FBXO46: variants seen among roughly 807,000 people sequenced by gnomAD.
FBXO46 encodes F-box only protein 46.
In FBXO46, 13 loss-of-function variants were observed where a neutral mutation model predicts 30.7. The ratio of observed to expected loss-of-function variants is 0.42; its 90% CI spans 0.28 to 0.67. The LOEUF is 0.67. Among genes scored for constraint, FBXO46 ranks in the 30% least tolerant of loss-of-function variants. The probability of loss-of-function intolerance (pLI) is 0.21; values close to 1 mark genes in which losing one functional copy is unlikely to be tolerated. For missense variants in FBXO46, 754 were observed against 871.5 expected (o/e 0.87, Z 1.70); for synonymous variants, 467 against 385.8 (o/e 1.21, Z -2.47).
rs763016254 is a variant in FBXO46 at position 45,712,991 on chromosome 19, G to A, written c.505C>T (p.Leu169=). Residue 169 remains leucine (L), a synonymous_variant, in exon 2 of 2, where the codon CTG becomes TTG. Coordinates refer to ENST00000317683, the MANE Select transcript of FBXO46 (RefSeq NM_001080469.2). This position sits in a 1 kb window ranked among gnomAD's most constrained non-coding sequence, Gnocchi z 8.8. ...GPASAGEDVD[L]LSVAEMVALV... ...GCCACCATCTCGGCCACAGAGAGCA[G>A]GTCCACGTCCTCACCGGCTGAGGCG... is the stretch of plus-strand genomic sequence containing the variant. The A allele has an allele frequency of 1.3e-6, 2 of 1,572,264 alleles. No individual in the cohort carries two copies. The highest frequency in any genetic ancestry group is 2.3e-5 in the East Asian group (1 of 43,314).
intron 1 of FBXO46, among the ~76,000 whole-genome samples, chr19:45,719,465 A>G (rs1322792377): frequency 6.6e-6 from 1 of 152,136 alleles, no homozygotes; most frequent in African/African-American, 2.4e-5. Flanking sequence ...GACCATCTCT[A>G]CACATGACAG....
In FBXO46 at chr19:45,712,245, G is replaced by A. The variant is rs1470014886; in HGVS notation, c.1251C>T (p.Asp417=). The change falls in exon 2 of 2, where the codon GAC becomes GAT. Residue 417 remains aspartate (D), a synonymous_variant. Coordinates refer to ENST00000317683, the MANE Select transcript of FBXO46 (RefSeq NM_001080469.2). This position sits in a 1 kb window ranked among gnomAD's most constrained non-coding sequence, Gnocchi z 8.8. ...CGGCCGGGGGTGGCTCCGGGGGCCC[G>A]TCCGGCCCGCGGTTCTGGAGAAAGA... is the stretch of plus-strand genomic sequence containing the variant. The part of the protein sequence containing the change: ...QLFFLQNRGP[D]GPPEPPPADS... 3.7e-6 allele frequency: 6 copies of A among 1,604,578 alleles called. No individual in the cohort carries two copies. In the Admixed American group the frequency reaches 5.0e-5, roughly 13 times the overall value.
chr19:45,717,451 G>C (rs1402174663), intron 1 of FBXO46: 2 of 152,300 alleles, frequency 1.3e-5, no homozygotes, highest in Non-Finnish European at 1.5e-5. Context: ...CCGCCATTCG[G>C]GGCCGTGCCC....
At position 45,713,022 on chromosome 19, in the gene FBXO46, C is replaced by G. The variant is rs771350349; in HGVS notation, c.474G>C (p.Glu158Asp). 7.7e-6 allele frequency: 12 copies of G among 1,557,626 alleles called. No individual in the cohort carries two copies. In the East Asian group the frequency reaches 2.5e-4, roughly 33 times the overall value. ...GGREGPPAAE[E>D]GPASAGEDVD... ...CGTCCTCACCGGCTGAGGCGGGGCC[C>G]TCCTCAGCAGCAGGGGGGCCCTCCC... The change falls in exon 2 of 2, where the codon GAG becomes GAC. Residue 158 changes from glutamate to aspartate, a missense_variant. Glu to Asp is a conservative substitution (Grantham distance 45). This residue lies in a region of FBXO46 where 454 missense variants were observed against 426.5 expected (regional missense o/e 1.06). Coordinates refer to ENST00000317683, the MANE Select transcript of FBXO46 (RefSeq NM_001080469.2). The surrounding 1 kb of genome is among the most constrained non-coding windows in gnomAD (Gnocchi z 4.7).
intron 1 of FBXO46, chr19:45,714,910 A>G (rs1246998566): frequency 6.6e-6 from 1 of 152,182 alleles, no homozygotes; most frequent in Non-Finnish European, 1.5e-5. Context: ...TTGGGAAAAA[A>G]AAAGAAAGAA....
intron 1 of FBXO46, among the ~76,000 whole-genome samples, chr19:45,719,856 C>T (rs1798132445): frequency 6.6e-6 from 1 of 152,188 alleles, no homozygotes; most frequent in Admixed American, 6.5e-5. Context: ...GCAGTCAATA[C>T]TCGAGCACTC....
intron 1 of FBXO46, among the ~76,000 whole-genome samples, chr19:45,719,385 C>T (rs1217755098): frequency 4.0e-5 from 6 of 151,736 alleles, no homozygotes; most frequent in African/African-American, 9.7e-5. Flanking sequence ...GGAAGTGACC[C>T]ATTATACACA....
At chr19:45,722,388 C>T (rs1214814334) in intron 1 of FBXO46, among the ~76,000 whole-genome samples, 2 of 152,134 alleles carry the variant, frequency 1.3e-5, no homozygotes, top group African/African-American at 2.4e-5. Context: ...CCTCAGTTTC[C>T]CCCACTGTAA....
Position 45,713,693 on chromosome 19 carries a change from C to A in FBXO46, c.-78-120G>T, listed in dbSNP as rs750431965. On this transcript the variant is annotated intron_variant, in intron 1 of 1. Transcript: ENST00000317683. This position sits in a 1 kb window ranked among gnomAD's most constrained non-coding sequence, Gnocchi z 4.7. Reference sequence around the variant, plus strand: ...ATCAAGAACTCTATTCCTGGCTGGGCGCGGTGGCTCACGCCTGTAATCCCA... The same window carrying A: ...ATCAAGAACTCTATTCCTGGCTGGGAGCGGTGGCTCACGCCTGTAATCCCA... 3 of 500,904 alleles carry A rather than the reference C, an allele frequency of 6.0e-6. No individual in the cohort carries two copies. Among genetic ancestry groups the A allele is most frequent in the South Asian group, 3.5e-5 (1 of 28,236 alleles). The allele number at this position is 500,904 out of a possible 1,614,324, so 31.0% of individuals were successfully genotyped here.
intron 1 of FBXO46, among the ~76,000 whole-genome samples, chr19:45,720,865 G>T (rs1968160456): frequency 6.6e-6 from 1 of 152,020 alleles, no homozygotes; most frequent in Non-Finnish European, 1.5e-5. Flanking sequence ...GTGGTGGCAG[G>T]CTCCTGTAAT....
chr19:45,712,682 G>A lies in FBXO46; in HGVS notation c.814C>T (p.Arg272Cys), dbSNP rs777831877. 8.4e-5 allele frequency: 136 copies of A among 1,612,584 alleles called. No individual in the cohort carries two copies. The highest frequency in any genetic ancestry group is 4.9e-4 in the Middle Eastern group (3 of 6,076). Residue 272 changes from arginine to cysteine, a missense_variant, in exon 2 of 2, where the codon CGT becomes TGT. By Grantham distance (180) the Arg-to-Cys change is radical. Coordinates refer to ENST00000317683, the MANE Select transcript of FBXO46 (RefSeq NM_001080469.2). The surrounding 1 kb of genome is among the most constrained non-coding windows in gnomAD (Gnocchi z 8.8). ...CTGGGCAGGCCGCTGTCTGGTGCAC[G>A]GGGCTCCCGGCCGTTGGAGATGCGG... The part of the protein sequence containing the change: ...AFRISNGREP[R>C]APDSGLPSGG...
chr19:45,722,775 A>G (rs1021354049), intron 1 of FBXO46, among the ~76,000 whole-genome samples: 2 of 149,684 alleles, frequency 1.3e-5, no homozygotes, highest in African/African-American at 4.9e-5. Context: ...AAAAAAAAAA[A>G]GTGGGCTGGG....
Position 45,712,087 on chromosome 19 carries a change from C to G in FBXO46, c.1409G>C (p.Arg470Pro). 3 of 1,605,896 alleles carry G rather than the reference C, an allele frequency of 1.9e-6. No individual in the cohort carries two copies. Among genetic ancestry groups the G allele is most frequent in the Admixed American group, 1.7e-5 (1 of 58,816 alleles). ...RFKIQRLLEP[R>P]QYMLLLPEHV... Reference sequence around the variant, plus strand: ...CTCGGGCAGCAGCAGCATGTACTGTCGCGGCTCCAGCAGCCGCTGAATCTT... The same window carrying G: ...CTCGGGCAGCAGCAGCATGTACTGTGGCGGCTCCAGCAGCCGCTGAATCTT... The change falls in exon 2 of 2, where the codon CGA becomes CCA. Residue 470 changes from arginine to proline, a missense_variant. Transcript: ENST00000317683. The surrounding 1 kb of genome is among the most constrained non-coding windows in gnomAD (Gnocchi z 8.8).
Position 45,712,927 on chromosome 19 carries a change from T to A in FBXO46, c.569A>T (p.Tyr190Phe). The A allele has an allele frequency of 6.2e-7, 1 of 1,605,684 alleles. No individual in the cohort carries two copies. The highest frequency in any genetic ancestry group is 8.5e-7 in the Non-Finnish European group (1 of 1,176,600). Reference protein sequence around the residue: ...EQRAALALQSYPRPTTPAPVV... With the variant: ...EQRAALALQSFPRPTTPAPVV... The stretch of plus-strand genomic sequence containing the variant: ...AGGCGCTGGGGTGGTCGGTCGTGGG[T>A]AGCTCTGCAGGGCCAGGGCTGCCCG... Residue 190 changes from tyrosine (Y) to phenylalanine (F), a missense_variant, in exon 2 of 2, where the codon TAC becomes TTC. Around this residue, in one of 5 missense-constraint regions of FBXO46, gnomAD observed 454 missense variants for 426.5 expected, o/e 1.06. Transcript: ENST00000317683. The surrounding 1 kb of genome is among the most constrained non-coding windows in gnomAD (Gnocchi z 8.8).
chr19:45,731,377 C>A (rs1013865762), upstream of FBXO46, among the ~76,000 whole-genome samples: 1 of 148,406 alleles, frequency 6.7e-6, no homozygotes, highest in Non-Finnish European at 1.5e-5. Context: ...AGTGCAGTGG[C>A]GCAATTTCGG....
chr19:45,711,717 G>A lies in FBXO46; in HGVS notation c.1779C>T (p.Gly593=). The A allele has an allele frequency of 7.9e-6, 6 of 759,226 alleles. No homozygotes were observed. The highest frequency in any genetic ancestry group is 1.0e-5 in the Non-Finnish European group (5 of 483,374). The allele number at this position is 759,226 out of a possible 1,614,324, so 47.0% of individuals were successfully genotyped here. A position where few individuals can be genotyped will look rare whatever the true frequency, so the allele number is the denominator to read the frequency against. ...CCTCCTCCCGGCCGGCCCGGCCCCC[G>A]CCTGGCCCATTGCAGGGCAGCACCC... The part of the protein sequence containing the change: ...NNWVLPCNGP[G]GGRAGREEGR Residue 593 remains glycine (G), a synonymous_variant, in exon 2 of 2, where the codon GGC becomes GGT. Coordinates refer to ENST00000317683, the MANE Select transcript of FBXO46 (RefSeq NM_001080469.2).
rs747952253 is a variant in FBXO46, at chr19:45,712,774, G to A, written c.722C>T (p.Pro241Leu). 13 of 1,611,174 alleles carry A rather than the reference G, an allele frequency of 8.1e-6. No homozygotes were observed. The highest frequency in any genetic ancestry group is 1.1e-5 in the Non-Finnish European group (13 of 1,178,574). ...TTCCTTGCGGAGGCCCTTGGTGGGA[G>A]GGCTGTCCCTCTGCGCTTCAAAGTG... Reference protein sequence around the residue: ...VAHFEAQRDSPPTKGLRKEER... With the variant: ...VAHFEAQRDSLPTKGLRKEER... The change falls in exon 2 of 2, where the codon CCT (proline) becomes CTT (leucine). Residue 241 changes from proline (P) to leucine (L), a missense_variant. Physicochemically the swap from Pro to Leu is moderately conservative, Grantham distance 98. Transcript: ENST00000317683. The surrounding 1 kb of genome is among the most constrained non-coding windows in gnomAD (Gnocchi z 8.8).
At chr19:45,719,043 G>A (rs62111733) in intron 1 of FBXO46, among the ~76,000 whole-genome samples, 1,834 of 151,548 alleles carry the variant, frequency 0.012, 23 homozygotes, top group Non-Finnish European at 0.02. Context: ...GAGCTCAGGA[G>A]TCTGCGACCA....
intron 1 of FBXO46, among the ~76,000 whole-genome samples, chr19:45,724,867 G>A (rs1968217642): frequency 6.6e-6 from 1 of 152,134 alleles, no homozygotes; most frequent in African/African-American, 2.4e-5. Context: ...TGGCCAGGCT[G>A]GTCACAAGCT....
Sources: allele counts gnomAD v4.1 joint callset (sites outside exome capture counted in the v4.1 genomes callset), GRCh38; gene constraint gnomAD v4.1.1; regional missense constraint gnomAD v4.1.1; non-coding constraint Gnocchi (gnomAD v3.1); transcripts MANE v1.5; gene names NCBI Gene and HGNC (gene_info 2026-07-23, HGNC 2026-07-21).